CADM1: variants seen among roughly 807,000 people sequenced by gnomAD.
The protein encoded by CADM1 is cell adhesion molecule 1.
CADM1 carries 15 observed loss-of-function variants against 53.1 expected under a neutral mutation model. The observed-to-expected ratio is 0.28, with a 90% confidence interval of 0.19 to 0.44. The LOEUF (loss-of-function observed/expected upper bound fraction) is 0.44. Among genes scored for constraint, CADM1 ranks in the 20% least tolerant of loss-of-function variants. The probability of loss-of-function intolerance (pLI) is 1.00; values close to 1 mark genes in which losing one functional copy is unlikely to be tolerated. For synonymous variants in CADM1, 281 were observed against 243.0 expected, an observed-to-expected ratio of 1.16 and a Z score of -1.45; for missense variants, 434 against 611.3, an observed-to-expected ratio of 0.71 and a Z score of 3.06.
At chr11:115,365,752 T>C (rs1946140933) in intron 1 of CADM1, among the ~76,000 whole-genome samples, 2 of 152,188 alleles carry the variant, frequency 1.3e-5, no homozygotes, top group South Asian at 4.2e-4. Flanking sequence ...AAAAAAAAAT[T>C]CTTTGTTTAA....
chr11:115,305,498 A>C (rs76940623), intron 1 of CADM1, among the ~76,000 whole-genome samples: 5 of 151,916 alleles, frequency 3.3e-5, no homozygotes, highest in Non-Finnish European at 7.4e-5. Flanking sequence ...TATTCTCTGC[A>C]CCTTGATTCT....
chr11:115,278,633 T>C (rs939104445), intron 1 of CADM1, among the ~76,000 whole-genome samples: 34 of 152,166 alleles, frequency 2.2e-4, no homozygotes, highest in African/African-American at 8.0e-4. Context: ...CATTCCACAG[T>C]GTATTCCACG....
intron 1 of CADM1, among the ~76,000 whole-genome samples, chr11:115,398,528 T>C (rs1947060205): frequency 6.6e-6 from 1 of 152,204 alleles, no homozygotes; most frequent in Non-Finnish European, 1.5e-5. Context: ...TCAGTGAATA[T>C]TGCTCATCTG....
At chr11:115,258,327 T>C (rs185554424) in intron 1 of CADM1, among the ~76,000 whole-genome samples, 97 of 152,316 alleles carry the variant, frequency 6.4e-4, no homozygotes, top group African/African-American at 2.3e-3. Context: ...TACTCCGATA[T>C]TGATAGATAA....
At chr11:115,254,910 T>G (rs1048044872) in intron 1 of CADM1, among the ~76,000 whole-genome samples, 2 of 152,134 alleles carry the variant, frequency 1.3e-5, no homozygotes, top group Non-Finnish European at 2.9e-5. Context: ...ATCCAGGGAA[T>G]GATTACACCT....
chr11:115,174,520 A>G lies in CADM1; in HGVS notation c.*1954T>C, dbSNP rs575858389. On this transcript the variant is annotated 3_prime_UTR_variant, in exon 12 of 12. Coordinates refer to ENST00000331581, the MANE Select transcript of CADM1 (RefSeq NM_001301043.2). Reference sequence around the variant, plus strand: ...TAAATAAAATGCTGCTCGATAATGGATTTTCTTTTACATACCAGTCCGTTC... The same window carrying G: ...TAAATAAAATGCTGCTCGATAATGGGTTTTCTTTTACATACCAGTCCGTTC... 1.0e-6 allele frequency: 1 copy of G among 985,538 alleles called. No individual in the cohort carries two copies. The highest frequency in any genetic ancestry group is 1.7e-5 in the African/African-American group (1 of 57,250). 61.0% of individuals were successfully genotyped at this position (985,538 alleles called of 1,614,324 possible).
intron 1 of CADM1, among the ~76,000 whole-genome samples, chr11:115,272,754 TG>T (rs1311990033): frequency 1.7e-5 from 1 of 58,850 alleles, no homozygotes; most frequent in Non-Finnish European, 3.1e-5. Context: ...TGTTGTGGGG[TG>T]GGGGGAGGGG....
intron 1 of CADM1, among the ~76,000 whole-genome samples, chr11:115,260,607 T>A (rs1439915854): frequency 6.6e-6 from 1 of 152,200 alleles, no homozygotes; most frequent in African/African-American, 2.4e-5. Context: ...GCTGTGCTTG[T>A]TTACTGAGTC....
intron 1 of CADM1, among the ~76,000 whole-genome samples, chr11:115,424,120 C>T (rs973048089): frequency 6.6e-6 from 1 of 152,166 alleles, no homozygotes; most frequent in African/African-American, 2.4e-5. Flanking sequence ...GGTGGGGAAA[C>T]GACATCCTAA....
At chr11:115,194,349 AT>A (rs1232201070) in intron 9 of CADM1, among the ~76,000 whole-genome samples, 1 of 152,224 alleles carries the variant, frequency 6.6e-6, no homozygotes, top group Non-Finnish European at 1.5e-5. Flanking sequence ...GAATTTGACC[AT>A]GGTTTGCATT....
chr11:115,195,596 T>G (rs1940107370), intron 9 of CADM1, among the ~76,000 whole-genome samples: 2 of 152,194 alleles, frequency 1.3e-5, no homozygotes, highest in South Asian at 4.1e-4. Flanking sequence ...GAGATTATTC[T>G]CAAATGAATC....
At chr11:115,483,334 T>C (rs1408228888) in intron 1 of CADM1, among the ~76,000 whole-genome samples, 2 of 152,272 alleles carry the variant, frequency 1.3e-5, no homozygotes, top group Non-Finnish European at 2.9e-5. Flanking sequence ...CACATTTCAC[T>C]CACTTTCAGC....
At chr11:115,192,040 G>A (rs1277453323) in intron 9 of CADM1, among the ~76,000 whole-genome samples, 1 of 152,130 alleles carries the variant, frequency 6.6e-6, no homozygotes, top group Admixed American at 6.5e-5. Flanking sequence ...TAATAATTTG[G>A]GAATAATGCC....
chr11:115,345,715 T>C (rs1945559308), intron 1 of CADM1, among the ~76,000 whole-genome samples: 1 of 152,170 alleles, frequency 6.6e-6, no homozygotes, highest in African/African-American at 2.4e-5. Flanking sequence ...TATTATTTGT[T>C]TTCTGAGAAG....
chr11:115,212,359 T>C (rs1053915242), intron 7 of CADM1, among the ~76,000 whole-genome samples: 3 of 152,224 alleles, frequency 2.0e-5, no homozygotes, highest in Admixed American at 6.5e-5. Context: ...CTTCCCAAAC[T>C]GCTAGAGTAT....
rs869231204 is a variant in CADM1 at position 115,404,346 on chromosome 11, AATATATATATATAT to A, written c.124+99911_124+99924del. ...GTCTCGGAAAAAAAAAAAAAAAAAA[AATATATATATATAT>A]ATATATATATATATATATATATATA... On this transcript the variant is annotated intron_variant, in intron 1 of 11. Transcript: ENST00000331581. Among the ~76,000 whole-genome samples, 28 of 33,768 alleles carry A rather than the reference AATATATATATATAT, an allele frequency of 8.3e-4. 1 individual carries two copies. The highest frequency in any genetic ancestry group is 3.1e-3 in the African/African-American group (23 of 7,312). The allele number at this position is 33,768 out of a possible 152,430, so 22.2% of individuals were successfully genotyped here. A position where few individuals can be genotyped will look rare whatever the true frequency, so the allele number is the denominator to read the frequency against.
rs144256257 is a variant in CADM1, at chr11:115,355,173, G to A, written c.125-114753C>T. Among the ~76,000 whole-genome samples the A allele has an allele frequency of 2.9e-4, 44 of 152,202 alleles. No homozygotes were observed. The East Asian group carries it at 7.5e-3, about 26-fold the overall frequency. ...CATGCACGCATATGTTCACTGCAGC[G>A]TTATTCACAATAATAGCAAAGACAT... On this transcript the variant is annotated intron_variant, in intron 1 of 11. Transcript: ENST00000331581.
chr11:115,192,109 A>T (rs1052501083), intron 9 of CADM1, among the ~76,000 whole-genome samples: 1 of 152,270 alleles, frequency 6.6e-6, no homozygotes, highest in African/African-American at 2.4e-5. Context: ...TGTCAAACTG[A>T]TCACTATTTT....
At chr11:115,320,720 G>A (rs1301069445) in intron 1 of CADM1, among the ~76,000 whole-genome samples, 1 of 151,790 alleles carries the variant, frequency 6.6e-6, no homozygotes. Context: ...TTAAATATAA[G>A]TCAGGTCTCC....
Sources: allele counts gnomAD v4.1 joint callset (sites outside exome capture counted in the v4.1 genomes callset), GRCh38; gene constraint gnomAD v4.1.1; transcripts MANE v1.5; gene names NCBI Gene and HGNC (gene_info 2026-07-23, HGNC 2026-07-21).